The following MLLT10 variants were observed in gnomAD, a reference collection of about 807,000 sequenced individuals.
The protein encoded by MLLT10 is MLLT10 histone lysine methyltransferase DOT1L cofactor, also known as protein AF-10.
MLLT10 carries 30 observed loss-of-function variants against 129.1 expected under a neutral mutation model. The ratio of observed to expected loss-of-function variants is 0.23; its 90% CI spans 0.17 to 0.32. The LOEUF is 0.32. MLLT10 is among the 10% of genes least tolerant of loss of function. The probability of loss-of-function intolerance (pLI) is 1.00; values close to 1 mark genes in which losing one functional copy is unlikely to be tolerated. For missense variants in MLLT10, 1,119 were observed against 1,268.3 expected, an observed-to-expected ratio of 0.88 and a Z score of 1.79; for synonymous variants, 490 against 446.4, an observed-to-expected ratio of 1.10 and a Z score of -1.23.
Position 21,593,926 on chromosome 10 carries a change from TAAAAAAAAAA to T in MLLT10, c.296-1382_296-1373del, listed in dbSNP as rs61561146. ...GGGCGACAGACCAAGGCTTTGTCTT[TAAAAAAAAAA>T]AAAAAAAAAAAAAAAAAAAAAAGGT... On this transcript the variant is annotated intron_variant, in intron 4 of 22. Coordinates refer to ENST00000307729, the MANE Select transcript of MLLT10 (RefSeq NM_001195626.3). 2.4e-3 allele frequency among the ~76,000 whole-genome samples: 108 copies of T among 45,424 alleles called. 1 individual carries two copies. Among genetic ancestry groups the T allele is most frequent in the African/African-American group, 8.3e-3 (78 of 9,428 alleles). 29.8% of individuals were successfully genotyped at this position (45,424 alleles called of 152,430 possible). A position where few individuals can be genotyped will look rare whatever the true frequency, so the allele number is the denominator to read the frequency against.
intron 3 of MLLT10, among the ~76,000 whole-genome samples, chr10:21,566,974 T>C (rs2039654892): frequency 6.6e-6 from 1 of 151,998 alleles, no homozygotes; most frequent in African/African-American, 2.4e-5. Context: ...CCACCACACC[T>C]GGCTAATTTT....
At chr10:21,709,555 T>C (rs2055871500) in intron 13 of MLLT10, among the ~76,000 whole-genome samples, 1 of 152,236 alleles carries the variant, frequency 6.6e-6, no homozygotes, top group African/African-American at 2.4e-5. Flanking sequence ...TCTAAGATAC[T>C]CTGAAAACAC....
chr10:21,638,392 A>G (rs1206460527), intron 8 of MLLT10, among the ~76,000 whole-genome samples: 2 of 152,028 alleles, frequency 1.3e-5, no homozygotes, highest in South Asian at 2.1e-4. Context: ...GGCAGTAGTG[A>G]ACATACAGTT....
intron 13 of MLLT10, chr10:21,708,508 A>T: frequency 1.1e-6 from 1 of 916,894 alleles, no homozygotes; most frequent in Non-Finnish European, 1.3e-6. Context: ...AGAAAGATTT[A>T]GAATTTTAAG....
At chr10:21,570,100 G>A (rs561247230) in intron 3 of MLLT10, among the ~76,000 whole-genome samples, 10 of 151,876 alleles carry the variant, frequency 6.6e-5, no homozygotes, top group Non-Finnish European at 1.5e-4. Flanking sequence ...GTAGAGATGG[G>A]GTTTGTCCAT....
At chr10:21,614,075 A>G (rs777085320) in intron 6 of MLLT10, among the ~76,000 whole-genome samples, 3 of 150,818 alleles carry the variant, frequency 2.0e-5, no homozygotes, top group Non-Finnish European at 4.4e-5. Context: ...AAAATTAGCC[A>G]GGTGTGATGG....
chr10:21,575,235 A>G (rs193125470), intron 3 of MLLT10, among the ~76,000 whole-genome samples: 1 of 152,198 alleles, frequency 6.6e-6, no homozygotes, highest in African/African-American at 2.4e-5. Context: ...GCTGCCACCC[A>G]GGCTAGAGTG....
intron 9 of MLLT10, among the ~76,000 whole-genome samples, chr10:21,665,698 T>C (rs1289138579): frequency 1.3e-5 from 2 of 152,128 alleles, no homozygotes; most frequent in Non-Finnish European, 2.9e-5. Flanking sequence ...ATAATATGAT[T>C]CTCTGAGTGG....
intron 14 of MLLT10, among the ~76,000 whole-genome samples, chr10:21,725,652 C>T (rs1413073210): frequency 2.3e-5 from 3 of 132,870 alleles, no homozygotes; most frequent in Non-Finnish European, 1.5e-5. Flanking sequence ...ACCCTAGAGG[C>T]GGAGGTTGCA....
chr10:21,677,124 T>G (rs1254762330), intron 11 of MLLT10, among the ~76,000 whole-genome samples: 3 of 152,214 alleles, frequency 2.0e-5, no homozygotes, highest in African/African-American at 7.2e-5. Context: ...TCCAGAGCCA[T>G]TTAATTAGAC....
intron 3 of MLLT10, among the ~76,000 whole-genome samples, chr10:21,563,847 T>C (rs895226959): frequency 6.6e-6 from 1 of 150,572 alleles, no homozygotes; most frequent in Non-Finnish European, 1.5e-5. Flanking sequence ...GAGTCTTGCT[T>C]TGTCGCCCAG....
At chr10:21,688,400 A>G (rs755956508) in intron 13 of MLLT10, 2 of 1,070,722 alleles carry the variant, frequency 1.9e-6, no homozygotes, top group African/African-American at 1.6e-5. Context: ...GCACCCCATC[A>G]TAATATCTTC....
chr10:21,733,262 T>C (rs1033797070), intron 18 of MLLT10, among the ~76,000 whole-genome samples, 175 bp downstream of exon 18: 2 of 152,230 alleles, frequency 1.3e-5, no homozygotes, highest in Non-Finnish European at 2.9e-5. Context: ...TTTAACTTTC[T>C]TAGTCCATAA....
chr10:21,652,004 C>T (rs530875091), intron 9 of MLLT10, among the ~76,000 whole-genome samples: 3 of 145,350 alleles, frequency 2.1e-5, no homozygotes, highest in Admixed American at 7.1e-5. Flanking sequence ...CCTCCACTTA[C>T]CTGGTTCAAG....
At chr10:21,632,639 A>G (rs1161103197) in intron 8 of MLLT10, among the ~76,000 whole-genome samples, 1 of 152,190 alleles carries the variant, frequency 6.6e-6, no homozygotes, top group East Asian at 1.9e-4. Context: ...CAGTTTGTTT[A>G]AAGTTTTGTA....
intron 3 of MLLT10, among the ~76,000 whole-genome samples, chr10:21,585,443 A>G (rs1230673184): frequency 2.0e-5 from 3 of 152,144 alleles, no homozygotes; most frequent in East Asian, 1.9e-4. Flanking sequence ...TTTGAGTACT[A>G]TTGTATTTGA....
chr10:21,660,119 A>G (rs1025666303), intron 9 of MLLT10, among the ~76,000 whole-genome samples: 1 of 151,852 alleles, frequency 6.6e-6, no homozygotes, highest in African/African-American at 2.4e-5. Context: ...ACACACCACC[A>G]TGCCCATCTA....
chr10:21,637,570 C>G (rs2047578588), intron 8 of MLLT10, among the ~76,000 whole-genome samples: 1 of 152,130 alleles, frequency 6.6e-6, no homozygotes, highest in Admixed American at 6.5e-5. Flanking sequence ...GAGACTGAGG[C>G]TTCTAATTTA....
chr10:21,608,903 C>G (rs1564500372), intron 5 of MLLT10, among the ~76,000 whole-genome samples: 1 of 152,052 alleles, frequency 6.6e-6, no homozygotes, highest in South Asian at 2.1e-4. Flanking sequence ...GCTCCTTTTT[C>G]CTGTGTGTGT....
Sources: allele counts gnomAD v4.1 joint callset (sites outside exome capture counted in the v4.1 genomes callset), GRCh38; gene constraint gnomAD v4.1.1; transcripts MANE v1.5; gene names NCBI Gene and HGNC (gene_info 2026-07-23, HGNC 2026-07-21).